The following AATK variants were observed in gnomAD, a reference collection of about 807,000 sequenced individuals.
AATK encodes serine/threonine-protein kinase LMTK1.
Under a neutral mutation model 114.3 loss-of-function variants are expected in AATK, and 91 were observed. The observed-to-expected ratio is 0.80, with a 90% CI of 0.67 to 0.95. The LOEUF (loss-of-function observed/expected upper bound fraction) is 0.95, where lower values mean the gene tolerates loss of function less well. AATK is among the 40% of genes least tolerant of loss of function. The pLI is 0.00. For missense variants in AATK, 2,176 were observed against 1,965.2 expected, an observed-to-expected ratio of 1.11 and a Z score of -2.03; for synonymous variants, 1,075 against 916.5, an observed-to-expected ratio of 1.17 and a Z score of -3.12.
rs1473040785 is a variant in AATK at position 81,120,594 on chromosome 17, G to A, written c.3342C>T (p.Ser1114=). The part of the protein sequence containing the change: ...TPVPLRSEGN[S]SEFQGPPGLL... ...GTCCTGGGGGCCCCTGGAACTCAGA[G>A]CTGTTGCCTTCTGATCTCAGCGGAA... is the stretch of plus-strand genomic sequence containing the variant. The change falls in exon 11 of 14, where the codon AGC becomes AGT. Residue 1114 remains serine, a synonymous_variant. Coordinates refer to ENST00000326724, the MANE Select transcript of AATK (RefSeq NM_001080395.3). 3 of 1,546,366 alleles carry A rather than the reference G, an allele frequency of 1.9e-6. No homozygotes were observed. The highest frequency in any genetic ancestry group is 2.6e-6 in the Non-Finnish European group (3 of 1,149,722).
At chr17:81,160,541 A>C (rs1033023428) in intron 1 of AATK, among the ~76,000 whole-genome samples, 20 of 152,236 alleles carry the variant, frequency 1.3e-4, no homozygotes, top group African/African-American at 4.8e-4. Context: ...TGTGAAAGGC[A>C]GGGCAAGGCC....
chr17:81,139,627 T>C (rs2061093451), intron 1 of AATK, among the ~76,000 whole-genome samples: 1 of 135,934 alleles, frequency 7.4e-6, no homozygotes, highest in African/African-American at 2.7e-5. Flanking sequence ...TCCCTGGTCC[T>C]CCCGCAGGCC....
chr17:81,124,351 G>A (rs1221801959), intron 9 of AATK, among the ~76,000 whole-genome samples: 4 of 152,186 alleles, frequency 2.6e-5, no homozygotes, highest in South Asian at 2.1e-4. Flanking sequence ...CAGCACCACC[G>A]TCAGCCCCTC....
intron 1 of AATK, among the ~76,000 whole-genome samples, chr17:81,155,366 T>A (rs1389098593): frequency 1.3e-5 from 2 of 149,814 alleles, no homozygotes; most frequent in African/African-American, 5.0e-5. Context: ...TCTCCCTTTT[T>A]AATACATTTT....
chr17:81,158,882 A>C (rs923909040), intron 1 of AATK, among the ~76,000 whole-genome samples: 3 of 152,126 alleles, frequency 2.0e-5, no homozygotes, highest in South Asian at 2.1e-4. Context: ...CACCTCCTGG[A>C]AGCTCCCTGG....
chr17:81,158,216 C>A (rs1447845454), intron 1 of AATK, among the ~76,000 whole-genome samples: 1 of 152,248 alleles, frequency 6.6e-6, no homozygotes, highest in Non-Finnish European at 1.5e-5. Flanking sequence ...TCTCGCCAGA[C>A]CCCGCGGCAG....
In AATK at chr17:81,165,961, G is replaced by A; in HGVS notation, c.32C>T (p.Ala11Val). MSSSFFNPSF[A>V]FSSHFDPDGA... ...ACCGGGGTCGAAGTGCGAGCTGAAGGCGAAGCTGGGGTTGAAGAAGGACGA... is the reference window on the plus strand; with the variant it reads ...ACCGGGGTCGAAGTGCGAGCTGAAGACGAAGCTGGGGTTGAAGAAGGACGA... The change falls in exon 1 of 14, where the codon GCC (alanine) becomes GTC (valine). Residue 11 changes from alanine to valine, a missense_variant. Physicochemically the swap from Ala to Val is moderately conservative, Grantham distance 64. This residue lies in a region of AATK where 178 missense variants were observed against 175.4 expected (regional missense o/e 1.01). Coordinates refer to ENST00000326724, the MANE Select transcript of AATK (RefSeq NM_001080395.3). The A allele has an allele frequency of 2.5e-6, 4 of 1,585,982 alleles. No homozygotes were observed. In the East Asian group the frequency reaches 9.3e-5, roughly 37 times the overall value.
At chr17:81,119,166 GT>G (rs2060633805) in intron 13 of AATK, among the ~76,000 whole-genome samples, 1 of 147,624 alleles carries the variant, frequency 6.8e-6, no homozygotes, top group Non-Finnish European at 1.5e-5. Flanking sequence ...TGAGGGTCAG[GT>G]GAGGGTCAGG....
Position 81,122,069 on chromosome 17 carries a change from C to T in AATK, c.1867G>A (p.Gly623Arg), listed in dbSNP as rs1353256818. 5 of 1,588,298 alleles carry T rather than the reference C, an allele frequency of 3.1e-6. No individual in the cohort carries two copies. The highest frequency in any genetic ancestry group is 3.4e-5 in the Admixed American group (2 of 58,886). Reference protein sequence around the residue: ...SAGPLSLAEGGAEDADWGVAA... With the variant: ...SAGPLSLAEGRAEDADWGVAA... Reference sequence around the variant, plus strand: ...ACGCCCCAGTCTGCATCCTCCGCTCCTCCCTCCGCCAGACTCAGGGGCCCC... The same window carrying T: ...ACGCCCCAGTCTGCATCCTCCGCTCTTCCCTCCGCCAGACTCAGGGGCCCC... Residue 623 changes from glycine (G) to arginine (R), a missense_variant, in exon 11 of 14, where the codon GGA (glycine) becomes AGA (arginine). Around this residue, in one of 4 missense-constraint regions of AATK, gnomAD observed 1,701 missense variants for 1,394.7 expected, o/e 1.22. Coordinates refer to ENST00000326724, the MANE Select transcript of AATK (RefSeq NM_001080395.3).
At position 81,119,987 on chromosome 17, in the gene AATK, T is replaced by C; in HGVS notation, c.3832A>G (p.Asn1278Asp). ...RGSPGSPSAP[N>D]RPQQADGSPN... ...GAGCCATCAGCCTGCTGCGGCCGGT[T>C]GGGGGCGCTGGGAGAGCCGGGGCTC... The change falls in exon 12 of 14, where the codon AAC becomes GAC. Residue 1278 changes from asparagine to aspartate, a missense_variant. This residue lies in a region of AATK where 1,701 missense variants were observed against 1,394.7 expected (regional missense o/e 1.22). Coordinates refer to ENST00000326724, the MANE Select transcript of AATK (RefSeq NM_001080395.3). The C allele has an allele frequency of 6.9e-7, 1 of 1,446,388 alleles. No homozygotes were observed. The highest frequency in any genetic ancestry group is 9.1e-7 in the Non-Finnish European group (1 of 1,099,280). The allele number at this position is 1,446,388 out of a possible 1,614,324, so 89.6% of individuals were successfully genotyped here.
intron 3 of AATK, among the ~76,000 whole-genome samples, chr17:81,130,833 C>T (rs2060919646): frequency 6.6e-6 from 1 of 152,226 alleles, no homozygotes; most frequent in Admixed American, 6.5e-5. Context: ...CCCTGGCCGG[C>T]CCCCAGGCCC....
In AATK at chr17:81,120,763, G is replaced by A. The variant is rs544759305; in HGVS notation, c.3173C>T (p.Pro1058Leu). 1.9e-6 allele frequency: 3 copies of A among 1,575,084 alleles called. No homozygotes were observed. Among genetic ancestry groups the A allele is most frequent in the Admixed American group, 1.8e-5 (1 of 54,538 alleles). ...QGSGPGEVLP[P>L]LLQLEGSSPE... Reference sequence around the variant, plus strand: ...GGAGGACCCTTCAAGCTGCAGCAGTGGGGGCAGCACCTCCCCGGGGCCAGA... The same window carrying A: ...GGAGGACCCTTCAAGCTGCAGCAGTAGGGGCAGCACCTCCCCGGGGCCAGA... The change falls in exon 11 of 14, where the codon CCA (proline) becomes CTA (leucine). Residue 1058 changes from proline to leucine, a missense_variant. By Grantham distance (98) the Pro-to-Leu change is moderately conservative. This residue lies in a region of AATK where 1,701 missense variants were observed against 1,394.7 expected (regional missense o/e 1.22). Transcript: ENST00000326724.
intron 1 of AATK, among the ~76,000 whole-genome samples, chr17:81,147,530 G>A (rs1016432069): frequency 1.3e-5 from 2 of 152,282 alleles, no homozygotes; most frequent in African/African-American, 2.4e-5. Flanking sequence ...CAAGACTGGC[G>A]GATTGCTTGA....
chr17:81,121,572 GC>G lies in AATK; in HGVS notation c.2363del (p.Gly788AlafsTer57). 6.6e-7 allele frequency: 1 copy of G among 1,512,826 alleles called. No individual in the cohort carries two copies. Among genetic ancestry groups the G allele is most frequent in the Admixed American group, 2.2e-5 (1 of 45,522 alleles). 93.7% of individuals were successfully genotyped at this position (1,512,826 alleles called of 1,614,324 possible). A position where few individuals can be genotyped will look rare whatever the true frequency, so the allele number is the denominator to read the frequency against. ...GAAGGGGCAGGCGGGGTCCGGTAGT[GC>G]CCTCAGCCTCCGTGGCAAGCTTGGG... ...AEPKLATEAE[G>X]TTGPRLPLPS... On this transcript the variant is annotated frameshift_variant, in exon 11 of 14. Coordinates refer to ENST00000326724, the MANE Select transcript of AATK (RefSeq NM_001080395.3). LOFTEE classifies it high-confidence loss of function.
chr17:81,124,213 C>T (rs2060754338), intron 9 of AATK, among the ~76,000 whole-genome samples: 2 of 152,118 alleles, frequency 1.3e-5, no homozygotes, highest in African/African-American at 4.8e-5. Context: ...GGAGGGGCGC[C>T]CACCCCGGGG....
rs183556709 is a variant in AATK at position 81,147,723 on chromosome 17, C to A, written c.56-13222G>T. On this transcript the variant is annotated intron_variant, in intron 1 of 13. Coordinates refer to ENST00000326724, the MANE Select transcript of AATK (RefSeq NM_001080395.3). ...TGAGCTGAGGTCATGCCACTGCACT[C>A]GAGCCTGGGTGATGGAGCAAGACCC... Among the ~76,000 whole-genome samples the A allele has an allele frequency of 7.9e-5, 12 of 152,220 alleles. No homozygotes were observed. The East Asian group carries it at 2.3e-3, about 29-fold the overall frequency.
At chr17:81,158,469 C>A (rs1390597635) in intron 1 of AATK, among the ~76,000 whole-genome samples, 1 of 152,240 alleles carries the variant, frequency 6.6e-6, no homozygotes, top group Non-Finnish European at 1.5e-5. Flanking sequence ...GCTCTCACCT[C>A]GGCCCATTTC....
chr17:81,126,002 C>G lies in AATK; in HGVS notation c.755+425G>C, dbSNP rs2060814648. 1 of 476,094 alleles carries G rather than the reference C, an allele frequency of 2.1e-6. No homozygotes were observed. The highest frequency in any genetic ancestry group is 4.3e-6 in the Non-Finnish European group (1 of 230,930). The allele number at this position is 476,094 out of a possible 1,614,324, so 29.5% of individuals were successfully genotyped here. A position where few individuals can be genotyped will look rare whatever the true frequency, so the allele number is the denominator to read the frequency against. Reference sequence around the variant, plus strand: ...CGGGGCCACGTGTCCTTCGCCACTTCTTCCAGCATGTCCCCCCGGGGTCCC... The same window carrying G: ...CGGGGCCACGTGTCCTTCGCCACTTGTTCCAGCATGTCCCCCCGGGGTCCC... On this transcript the variant is annotated intron_variant, in intron 7 of 13. Transcript: ENST00000326724. This position sits in a 1 kb window ranked among gnomAD's most constrained non-coding sequence, Gnocchi z 5.1.
intron 7 of AATK, chr17:81,125,955 G>T: frequency 2.1e-6 from 1 of 480,102 alleles, no homozygotes; most frequent in Non-Finnish European, 4.3e-6. Context: ...GGAGAGGACA[G>T]CCGTGCGGCG....
Sources: allele counts gnomAD v4.1 joint callset (sites outside exome capture counted in the v4.1 genomes callset), GRCh38; gene constraint gnomAD v4.1.1; regional missense constraint gnomAD v4.1.1; non-coding constraint Gnocchi (gnomAD v3.1); transcripts MANE v1.5; gene names NCBI Gene and HGNC (gene_info 2026-07-23, HGNC 2026-07-21).